The following ABCB10 variants were observed in gnomAD, a reference collection of about 807,000 sequenced individuals.
The protein encoded by ABCB10 is ATP-binding cassette sub-family B member 10, mitochondrial.
ABCB10 carries 54 observed loss-of-function variants against 65.4 expected under a neutral mutation model. That is an observed-to-expected ratio of 0.83 (90% CI 0.66 to 1.04). ABCB10 has a LOEUF of 1.04. ABCB10 is among the 50% of genes least tolerant of loss of function. The probability of loss-of-function intolerance (pLI) is 0.00; values close to 1 mark genes in which losing one functional copy is unlikely to be tolerated. For missense variants in ABCB10, 846 were observed against 976.6 expected, an observed-to-expected ratio of 0.87 and a Z score of 1.78; for synonymous variants, 418 against 406.5, an observed-to-expected ratio of 1.03 and a Z score of -0.34.
chr1:229,540,448 T>C (rs1166938459), intron 5 of ABCB10, among the ~76,000 whole-genome samples, 158 bp downstream of exon 5: 2 of 152,230 alleles, frequency 1.3e-5, no homozygotes, highest in African/African-American at 4.8e-5. Context: ...TCTTCCTTTT[T>C]CACAAAAATA....
In ABCB10 at chr1:229,542,619, T is replaced by C. The variant is rs1282800728; in HGVS notation, c.922-248A>G. Among the ~76,000 whole-genome samples the C allele has an allele frequency of 3.3e-5, 5 of 150,880 alleles. No homozygotes were observed. The Admixed American group carries it at 3.3e-4, about 10-fold the overall frequency. Reference sequence around the variant, plus strand: ...CACATAGAAGAAATGTGACAAGAAATTGCTGAAGAAAGAATCCTCAGGCCA... The same window carrying C: ...CACATAGAAGAAATGTGACAAGAAACTGCTGAAGAAAGAATCCTCAGGCCA... On this transcript the variant is annotated intron_variant, in intron 3 of 12. Transcript: ENST00000344517.
chr1:229,527,332 AAGAG>A (rs766456699), intron 8 of ABCB10, 24 bp from the exon 9 acceptor site: 1 of 870,120 alleles, frequency 1.1e-6, no homozygotes, highest in South Asian at 1.6e-5. Flanking sequence ...AAGGAAAGGA[AAGAG>A]TCACTGAGTG....
intron 3 of ABCB10, among the ~76,000 whole-genome samples, chr1:229,545,557 C>T (rs546231404): frequency 1.3e-5 from 2 of 152,290 alleles, no homozygotes; most frequent in South Asian, 4.1e-4. Flanking sequence ...AAAGCCTATA[C>T]TCCATTCAGT....
At chr1:229,556,019 T>C (rs1432223799) in intron 1 of ABCB10, among the ~76,000 whole-genome samples, 1 of 151,004 alleles carries the variant, frequency 6.6e-6, no homozygotes, top group Non-Finnish European at 1.5e-5. Flanking sequence ...CCTAGGCTTG[T>C]TTCTTCAAAT....
In ABCB10 at chr1:229,525,978, C is replaced by A. The variant is rs1348265428; in HGVS notation, c.1864G>T (p.Gly622Trp). 1 of 1,614,166 alleles carries A rather than the reference C, an allele frequency of 6.2e-7. No homozygotes were observed. Among genetic ancestry groups the A allele is most frequent in the Non-Finnish European group, 8.5e-7 (1 of 1,180,026 alleles). Residue 622 changes from glycine to tryptophan, a missense_variant, in exon 10 of 13, where the codon GGG becomes TGG. By Grantham distance (184) the Gly-to-Trp change is radical (BLOSUM62 -2). Coordinates refer to ENST00000344517, the MANE Select transcript of ABCB10 (RefSeq NM_012089.3). ...AVAFIRNFPQ[G>W]FNTVVGEKGV... ...TTTTCTCCAACCACAGTGTTGAACC[C>A]TTGGGGGAAATTCCGGATGAAGGCC...
chr1:229,526,148 T>A (rs988677175), intron 9 of ABCB10, 32 bp from the exon 10 acceptor site: 2 of 1,590,638 alleles, frequency 1.3e-6, no homozygotes, highest in Non-Finnish European at 1.7e-6. Flanking sequence ...TATCACGAAT[T>A]TCAAACAGAC....
intron 4 of ABCB10, 144 bp from the exon 5 acceptor site, chr1:229,540,896 A>G: frequency 1.1e-6 from 1 of 938,674 alleles, no homozygotes; most frequent in South Asian, 1.9e-5. Context: ...TGAGAACTCC[A>G]CAAAAGACAC....
intron 2 of ABCB10, among the ~76,000 whole-genome samples, chr1:229,548,459 C>A (rs1018951757): frequency 6.6e-6 from 1 of 152,104 alleles, no homozygotes; most frequent in South Asian, 2.1e-4. Flanking sequence ...CAACAGACTT[C>A]GAGTTGGTGT....
chr1:229,551,579 T>C (rs1279322878), intron 1 of ABCB10, among the ~76,000 whole-genome samples: 7 of 152,218 alleles, frequency 4.6e-5, no homozygotes, highest in African/African-American at 1.7e-4. Flanking sequence ...TGGCAGCTCA[T>C]AAAGTCCATA....
intron 11 of ABCB10, 76 bp downstream of exon 11, chr1:229,521,516 A>G (rs1220329163): frequency 5.4e-6 from 8 of 1,488,588 alleles, no homozygotes; most frequent in South Asian, 1.2e-5. Context: ...GAAGACAAAT[A>G]GTAAATTACA....
Position 229,542,372 on chromosome 1 carries a change from C to A in ABCB10, c.922-1G>T. On this transcript the variant is annotated splice_acceptor_variant, in intron 3 of 12. Coordinates refer to ENST00000344517, the MANE Select transcript of ABCB10 (RefSeq NM_012089.3). LOFTEE classifies it high-confidence loss of function. The stretch of plus-strand genomic sequence containing the variant: ...TGGCCAGATTAGGTGAGACAAAAAA[C>A]TGTCAAAAACAAAAAAAAATTCAGA... 6.2e-7 allele frequency: 1 copy of A among 1,606,086 alleles called. No homozygotes were observed. The highest frequency in any genetic ancestry group is 8.5e-7 in the Non-Finnish European group (1 of 1,177,702).
Position 229,518,208 on chromosome 1 carries a change from T to C in ABCB10, c.2188A>G (p.Met730Val), listed in dbSNP as rs1320902474. Residue 730 changes from methionine to valine, a missense_variant, in exon 13 of 13, where the codon ATG (methionine) becomes GTG (valine). By Grantham distance (21) the Met-to-Val change is conservative. Transcript: ENST00000344517. ...GCTGAAATAAAACTTTGTTTGTTCA[T>C]TAGTTTTCTGTATATCCCATTTGGT... The part of the protein sequence containing the change: ...SKPNGIYRKL[M>V]NKQSFISA The C allele has an allele frequency of 1.9e-6, 3 of 1,614,054 alleles. No homozygotes were observed. The highest frequency in any genetic ancestry group is 2.2e-5 in the South Asian group (2 of 91,084).
rs1366255401 is a variant in ABCB10, at chr1:229,518,203, G to T, written c.2193C>A (p.Asn731Lys). Residue 731 changes from asparagine (N) to lysine (K), a missense_variant, in exon 13 of 13, where the codon AAC (asparagine) becomes AAA (lysine). By Grantham distance (94) the Asn-to-Lys change is moderately conservative. Coordinates refer to ENST00000344517, the MANE Select transcript of ABCB10 (RefSeq NM_012089.3). Reference sequence around the variant, plus strand: ...CTTATGCTGAAATAAAACTTTGTTTGTTCATTAGTTTTCTGTATATCCCAT... The same window carrying T: ...CTTATGCTGAAATAAAACTTTGTTTTTTCATTAGTTTTCTGTATATCCCAT... ...KPNGIYRKLM[N>K]KQSFISA 13 of 1,613,482 alleles carry T rather than the reference G, an allele frequency of 8.1e-6. No homozygotes were observed. Among genetic ancestry groups the T allele is most frequent in the Non-Finnish European group, 1.1e-5 (13 of 1,179,652 alleles).
chr1:229,544,305 TA>T (rs984162468), intron 3 of ABCB10, among the ~76,000 whole-genome samples: 7 of 150,568 alleles, frequency 4.6e-5, no homozygotes, highest in African/African-American at 7.4e-5. Context: ...TGGTTCCAGC[TA>T]CTCAGGAGGC....
rs191561686 is a variant in ABCB10, at chr1:229,542,432, T to C, written c.922-61A>G. On this transcript the variant is annotated intron_variant, in intron 3 of 12. Coordinates refer to ENST00000344517, the MANE Select transcript of ABCB10 (RefSeq NM_012089.3). Reference sequence around the variant, plus strand: ...TACATTGGGTGGCAAGACATTCTCATTACCTACGAAAGGGGAGTGTGTGTG... The same window carrying C: ...TACATTGGGTGGCAAGACATTCTCACTACCTACGAAAGGGGAGTGTGTGTG... The C allele has an allele frequency of 1.1e-3, 1,790 of 1,571,350 alleles. 17 individuals carry two copies. The African/African-American group carries it at 0.023, about 20-fold the overall frequency.
chr1:229,548,943 G>T (rs960997593), intron 2 of ABCB10, among the ~76,000 whole-genome samples: 6 of 152,178 alleles, frequency 3.9e-5, no homozygotes, highest in Admixed American at 3.9e-4. Context: ...TTACAGGCAT[G>T]AGCCACGGCA....
intron 1 of ABCB10, among the ~76,000 whole-genome samples, chr1:229,551,233 T>G (rs1214821491): frequency 6.6e-6 from 1 of 152,174 alleles, no homozygotes; most frequent in African/African-American, 2.4e-5. Context: ...TTAAGGTCTT[T>G]ATAAAGTCCC....
At chr1:229,540,781 G>A in intron 4 of ABCB10, 29 bp from the exon 5 acceptor site, 1 of 1,596,530 alleles carries the variant, frequency 6.3e-7, no homozygotes, top group East Asian at 2.3e-5. Flanking sequence ...CATTTCAGGA[G>A]GAGAAGGGTC....
chr1:229,529,296 A>C (rs1370668197), intron 8 of ABCB10, among the ~76,000 whole-genome samples: 1 of 46,532 alleles, frequency 2.1e-5, no homozygotes, highest in East Asian at 5.4e-4. Flanking sequence ...ACTCCGTCTC[A>C]AAAAAAAAAA....
Sources: allele counts gnomAD v4.1 joint callset (sites outside exome capture counted in the v4.1 genomes callset), GRCh38; gene constraint gnomAD v4.1.1; transcripts MANE v1.5; gene names NCBI Gene and HGNC (gene_info 2026-07-23, HGNC 2026-07-21).